Variants in FCN1 observed in about 807,000 individuals in gnomAD.
FCN1 encodes the protein ficolin-1.
FCN1 carries 42 observed loss-of-function variants against 35.6 expected under a neutral mutation model. That is an observed-to-expected ratio of 1.18 (90% CI 0.92 to 1.53). FCN1 has a LOEUF of 1.53. Among genes scored for constraint, FCN1 ranks in the 40% most tolerant of loss-of-function variants. The probability of loss-of-function intolerance (pLI) is 0.00; values close to 1 mark genes in which losing one functional copy is unlikely to be tolerated. For synonymous variants in FCN1, 179 were observed against 169.8 expected (o/e 1.05, Z -0.42); for missense variants, 439 against 428.4 (o/e 1.02, Z -0.22).
At position 134,913,665 on chromosome 9, in the gene FCN1, C is replaced by G. The variant is rs368051850; in HGVS notation, c.308-52G>C. 1.6e-5 allele frequency: 24 copies of G among 1,475,216 alleles called. No homozygotes were observed. The African/African-American group carries it at 3.2e-4, about 20-fold the overall frequency. The allele number at this position is 1,475,216 out of a possible 1,614,324, so 91.4% of individuals were successfully genotyped here. A position where few individuals can be genotyped will look rare whatever the true frequency, so the allele number is the denominator to read the frequency against. Reference sequence around the variant, plus strand: ...ATAAGCTTGAAATCAGAGCCTTTGTCCTGGTCAGCCCCAGTGGCTCCCTGA... The same window carrying G: ...ATAAGCTTGAAATCAGAGCCTTTGTGCTGGTCAGCCCCAGTGGCTCCCTGA... On this transcript the variant is annotated intron_variant, in intron 4 of 8. Transcript: ENST00000371806.
rs1379997927 is a variant in FCN1, at chr9:134,908,712, C to T, written c.*1086G>A. ...AAAAGGCAAGGAAGCAGGTTCTCCC[C>T]TAGAACCCTGGAAGGAGCCACCACT... On this transcript the variant is annotated 3_prime_UTR_variant, in exon 9 of 9. Coordinates refer to ENST00000371806, the MANE Select transcript of FCN1 (RefSeq NM_002003.5). 2 of 157,920 alleles carry T rather than the reference C, an allele frequency of 1.3e-5. No homozygotes were observed. The highest frequency in any genetic ancestry group is 2.8e-5 in the Non-Finnish European group (2 of 71,682). The allele number at this position is 157,920 out of a possible 1,614,324, so 9.8% of individuals were successfully genotyped here.
At chr9:134,912,397 A>AAGAG (rs1236500587) in intron 7 of FCN1, 89 bp downstream of exon 7, 1 of 1,371,754 alleles carries the variant, frequency 7.3e-7, no homozygotes, top group Non-Finnish European at 9.9e-7. Flanking sequence ...CCTGTGGGCC[A>AAGAG]AGAGGTGCTT....
chr9:134,910,703 G>C (rs925412805), intron 8 of FCN1, among the ~76,000 whole-genome samples: 2 of 152,124 alleles, frequency 1.3e-5, no homozygotes, highest in Admixed American at 1.3e-4. Context: ...TGCCTTTCAC[G>C]AACGATGTGC....
chr9:134,914,270 C>A (rs769431941), intron 4 of FCN1, 115 bp downstream of exon 4: 7 of 947,356 alleles, frequency 7.4e-6, no homozygotes, highest in Non-Finnish European at 1.2e-5. Context: ...CCCCTCCCTG[C>A]CCACAGCCTG....
At position 134,913,016 on chromosome 9, in the gene FCN1, G is replaced by T. The variant is rs148305428; in HGVS notation, c.468C>A (p.Thr156=). 1.9e-6 allele frequency: 3 copies of T among 1,610,316 alleles called. No individual in the cohort carries two copies. Among genetic ancestry groups the T allele is most frequent in the African/African-American group, 2.7e-5 (2 of 74,866 alleles). Reference sequence around the variant, plus strand: ...CGCCTCTGCCCAGCCCCACACTCACGGTCCAGCCCCCTCCGTCCGTGTCCA... The same window carrying T: ...CGCCTCTGCCCAGCCCCACACTCACTGTCCAGCCCCCTCCGTCCGTGTCCA... The part of the protein sequence containing the change: ...CDMDTDGGGW[T]VFQRRMDGSV... Residue 156 remains threonine (T), a splice_region_variant and synonymous_variant, in exon 6 of 9, where the codon ACC becomes ACA. Coordinates refer to ENST00000371806, the MANE Select transcript of FCN1 (RefSeq NM_002003.5).
rs1030220737 is a variant in FCN1, at chr9:134,905,654, T to C, written c.*4144A>G. ...ATCCCCCACCATGAACGGCTAATTT[T>C]TTTGTATTTTTAGTAGAGACGGGGT... On this transcript the variant is annotated 3_prime_UTR_variant, in exon 9 of 9. Coordinates refer to ENST00000371806, the MANE Select transcript of FCN1 (RefSeq NM_002003.5). 4.0e-5 allele frequency among the ~76,000 whole-genome samples: 6 copies of C among 151,632 alleles called. No homozygotes were observed. Among genetic ancestry groups the C allele is most frequent in the African/African-American group, 1.5e-4 (6 of 41,102 alleles).
At position 134,914,439 on chromosome 9, in the gene FCN1, T is replaced by C; in HGVS notation, c.272-19A>G. 4 of 1,613,370 alleles carry C rather than the reference T, an allele frequency of 2.5e-6. No homozygotes were observed. The highest frequency in any genetic ancestry group is 3.4e-6 in the Non-Finnish European group (4 of 1,179,580). ...CGGTCTCCTGGAGGAAGAGGCAGGA[T>C]AATGAGCTTTTGACCCCAGATGTGT... On this transcript the variant is annotated intron_variant, in intron 3 of 8. Transcript: ENST00000371806.
Position 134,909,660 on chromosome 9 carries a change from A to G in FCN1, c.*138T>C. ...GAGGTTGTGGGCATGTGGCGGCTTG[A>G]CTGAGCTGGGGGCAAAGGGGCAGCT... is the stretch of plus-strand genomic sequence containing the variant. On this transcript the variant is annotated 3_prime_UTR_variant, in exon 9 of 9. Coordinates refer to ENST00000371806, the MANE Select transcript of FCN1 (RefSeq NM_002003.5). The G allele has an allele frequency of 6.3e-7, 1 of 1,593,948 alleles. No individual in the cohort carries two copies. The highest frequency in any genetic ancestry group is 2.2e-5 in the East Asian group (1 of 44,708).
Position 134,905,668 on chromosome 9 carries a change from T to G in FCN1, c.*4130A>C, listed in dbSNP as rs1235624702. On this transcript the variant is annotated 3_prime_UTR_variant, in exon 9 of 9. Transcript: ENST00000371806. ...ACGGCTAATTTTTTTGTATTTTTAGTAGAGACGGGGTTTCATCATGTTAGC... is the reference window on the plus strand; with the variant it reads ...ACGGCTAATTTTTTTGTATTTTTAGGAGAGACGGGGTTTCATCATGTTAGC... Among the ~76,000 whole-genome samples, 1 of 151,590 alleles carries G rather than the reference T, an allele frequency of 6.6e-6. No individual in the cohort carries two copies. Among genetic ancestry groups the G allele is most frequent in the South Asian group, 2.1e-4 (1 of 4,796 alleles).
intron 3 of FCN1, 48 bp downstream of exon 3, chr9:134,914,708 C>A: frequency 7.2e-7 from 1 of 1,385,336 alleles, no homozygotes; most frequent in Non-Finnish European, 1.0e-6. Flanking sequence ...TTACAGACAG[C>A]TCCAAGGTCC....
At chr9:134,911,505 C>T (rs1452952278) in intron 7 of FCN1, among the ~76,000 whole-genome samples, 1 of 121,394 alleles carries the variant, frequency 8.2e-6, no homozygotes, top group African/African-American at 3.7e-5. Context: ...CCACCACACA[C>T]AGCTACTTTT....
Position 134,909,493 on chromosome 9 carries a change from C to G in FCN1, c.*305G>C. 1 of 1,329,328 alleles carries G rather than the reference C, an allele frequency of 7.5e-7. No homozygotes were observed. The highest frequency in any genetic ancestry group is 9.9e-7 in the Non-Finnish European group (1 of 1,015,062). 82.3% of individuals were successfully genotyped at this position (1,329,328 alleles called of 1,614,324 possible). On this transcript the variant is annotated 3_prime_UTR_variant, in exon 9 of 9. Transcript: ENST00000371806. ...AAGGGTCCTGACTCTTCCCGACTTACCAAATTCCAGGGAAAGACCTGCCGT... is the reference window on the plus strand; with the variant it reads ...AAGGGTCCTGACTCTTCCCGACTTAGCAAATTCCAGGGAAAGACCTGCCGT...
At chr9:134,911,326 G>A in intron 7 of FCN1, 59 bp from the exon 8 acceptor site, 3 of 1,502,466 alleles carry the variant, frequency 2.0e-6, no homozygotes, top group Non-Finnish European at 2.7e-6. Flanking sequence ...CCAGGCATGA[G>A]GGCTGGGGAT....
chr9:134,909,992 T>C lies in FCN1; in HGVS notation c.787A>G (p.Asn263Asp). 1 of 1,614,074 alleles carries C rather than the reference T, an allele frequency of 6.2e-7. No individual in the cohort carries two copies. Among genetic ancestry groups the C allele is most frequent in the Non-Finnish European group, 8.5e-7 (1 of 1,180,004 alleles). The stretch of plus-strand genomic sequence containing the variant: ...GCACAATTCGAAGAACTCACATCAT[T>C]GTCTTGGTCTTTGGTGGAGAAGAAG... ...NNFFSTKDQD[N>D]DVSSSNCAEK... The change falls in exon 9 of 9, where the codon AAT (asparagine) becomes GAT (aspartate). Residue 263 changes from asparagine (N) to aspartate (D), a missense_variant. Coordinates refer to ENST00000371806, the MANE Select transcript of FCN1 (RefSeq NM_002003.5).
rs368726342 is a variant in FCN1 at position 134,914,736 on chromosome 9, G to A, written c.271+20C>T. 4.0e-5 allele frequency: 64 copies of A among 1,599,494 alleles called. No homozygotes were observed. In the African/African-American group the frequency reaches 4.4e-4, roughly 11 times the overall value. ...CAAGGTCCCTGCTCAAGGCCTCCTC[G>A]CTGTCTGTCCCCTGGTTACCTTTGG... On this transcript the variant is annotated intron_variant, in intron 3 of 8. Transcript: ENST00000371806.
chr9:134,915,006 G>A (rs1831073982), intron 2 of FCN1, among the ~76,000 whole-genome samples, 197 bp from the exon 3 acceptor site: 1 of 152,084 alleles, frequency 6.6e-6, no homozygotes, highest in Non-Finnish European at 1.5e-5. Context: ...ATTGAGGGAG[G>A]GGCCTGCACC....
At chr9:134,916,989 C>A (rs182979116) in intron 1 of FCN1, among the ~76,000 whole-genome samples, 1 of 152,176 alleles carries the variant, frequency 6.6e-6, no homozygotes. Context: ...CCAGGTGTGG[C>A]ACAGCTGCAG....
In FCN1 at chr9:134,916,393, C is replaced by G; in HGVS notation, c.172G>C (p.Gly58Arg). The G allele has an allele frequency of 6.2e-7, 1 of 1,614,106 alleles. No homozygotes were observed. The change falls in exon 2 of 9, where the codon GGG becomes CGG. Residue 58 changes from glycine to arginine, a missense_variant. Physicochemically the swap from Gly to Arg is moderately radical, Grantham distance 125. Transcript: ENST00000371806. ...GCCTCTCCCTTTGGCCCTGGGGCCC[C>G]GGGCAGCCCCGGGCAGCCTCGGAGA... ...TILRGCPGLP[G>R]APGPKGEAGV... is the part of the protein sequence containing the mutation.
rs980986472 is a variant in FCN1 at position 134,905,633 on chromosome 9, C to G, written c.*4165G>C. ...CGAGTAGCTGGGACGATAGGCATCC[C>G]CCACCATGAACGGCTAATTTTTTTG... On this transcript the variant is annotated 3_prime_UTR_variant, in exon 9 of 9. Coordinates refer to ENST00000371806, the MANE Select transcript of FCN1 (RefSeq NM_002003.5). Among the ~76,000 whole-genome samples the G allele has an allele frequency of 1.3e-5, 2 of 151,730 alleles. No individual in the cohort carries two copies. Among genetic ancestry groups the G allele is most frequent in the Admixed American group, 1.3e-4 (2 of 15,260 alleles).
Sources: gnomAD v4.1 joint callset for allele counts (sites outside exome capture counted in the v4.1 genomes callset) on GRCh38, gnomAD v4.1.1 for gene constraint, MANE v1.5 for transcripts, NCBI Gene and HGNC (gene_info 2026-07-23, HGNC 2026-07-21) for gene names.